Variants in RYR1 observed in about 807,000 individuals in gnomAD.
RYR1 encodes the protein ryanodine receptor 1, also known as central core disease of muscle.
RYR1 carries 342 observed loss-of-function variants against 583.5 expected under a neutral mutation model. The ratio of observed to expected loss-of-function variants is 0.59; its 90% CI spans 0.54 to 0.64. The LOEUF (loss-of-function observed/expected upper bound fraction) is 0.64, where lower values mean the gene tolerates loss of function less well. Ranked by LOEUF, RYR1 falls within the 30% of genes least tolerant of loss-of-function variation. RYR1 has a pLI of 0.00. For missense variants in RYR1, 6,032 were observed against 6,917.2 expected, an observed-to-expected ratio of 0.87 and a Z score of 4.54; for synonymous variants, 2,791 against 2,822.5, an observed-to-expected ratio of 0.99 and a Z score of 0.35.
intron 96 of RYR1, among the ~76,000 whole-genome samples, chr19:38,574,571 G>T (rs1217953219): frequency 6.6e-6 from 1 of 152,082 alleles, no homozygotes; most frequent in African/African-American, 2.4e-5. Context: ...GTTCTAGGCT[G>T]CAGTGAGCTA....
Position 38,464,707 on chromosome 19 carries a change from C to A in RYR1, c.2855C>A (p.Thr952Lys), listed in dbSNP as rs1249635777. Residue 952 changes from threonine (T) to lysine (K), a missense_variant, in exon 23 of 106, where the codon ACA becomes AAA. Around this residue, in one of 11 missense-constraint regions of RYR1, gnomAD observed 2,627 missense variants for 2,961.3 expected, o/e 0.89. Transcript: ENST00000359596. The stretch of plus-strand genomic sequence containing the variant: ...AAGGCGGAGGACAACCTGAAGAAGA[C>A]AAAACTCCCCAAGACGTGAGTGTGG... ...DEKAEDNLKKTKLPKTYMMSN... is the reference protein window; with the variant it reads ...DEKAEDNLKKKKLPKTYMMSN... 1.3e-6 allele frequency: 2 copies of A among 1,586,078 alleles called. No homozygotes were observed. Among genetic ancestry groups the A allele is most frequent in the Admixed American group, 1.8e-5 (1 of 55,388 alleles).
In RYR1 at chr19:38,535,297, C is replaced by T. The variant is rs1204509229; in HGVS notation, c.11440-19C>T. On this transcript the variant is annotated intron_variant, in intron 80 of 105. Coordinates refer to ENST00000359596, the MANE Select transcript of RYR1 (RefSeq NM_000540.3). The stretch of plus-strand genomic sequence containing the variant: ...CTGTGTGACTCCCAGTTTCTCCTCC[C>T]CTGCCTCGCCCTCTGCAGAAAATGC... 1.2e-6 allele frequency: 2 copies of T among 1,613,902 alleles called. No homozygotes were observed. The highest frequency in any genetic ancestry group is 1.7e-6 in the Non-Finnish European group (2 of 1,179,796).
In RYR1 at chr19:38,586,539, AT is replaced by A; in HGVS notation, c.14987del (p.Leu4996Ter). The A allele has an allele frequency of 6.2e-7, 1 of 1,614,156 alleles. No homozygotes were observed. The highest frequency in any genetic ancestry group is 8.5e-7 in the Non-Finnish European group (1 of 1,179,976). On this transcript the variant is annotated frameshift_variant, in exon 105 of 106. Transcript: ENST00000359596. LOFTEE classifies it high-confidence loss of function. ...CTCACCCTCAGGTTTTTCCTGATGT[AT>A]TTGATAAACAAGGATGAGACAGAAC... The part of the protein sequence containing the change: ...NLANYMFFLM[Y>X]LINKDETEHT...
intron 78 of RYR1, among the ~76,000 whole-genome samples, chr19:38,533,074 G>A (rs2145738398): frequency 6.6e-6 from 1 of 152,020 alleles, no homozygotes; most frequent in African/African-American, 2.4e-5. Flanking sequence ...ACCTCAGGGG[G>A]ATAAAGCAGC....
intron 23 of RYR1, 85 bp downstream of exon 23, chr19:38,464,807 TG>T (rs1482157305): frequency 8.9e-6 from 11 of 1,242,152 alleles, no homozygotes; most frequent in Non-Finnish European, 1.2e-5. Context: ...CGAGGGGTCT[TG>T]TGGGGAGGCT....
intron 58 of RYR1, among the ~76,000 whole-genome samples, chr19:38,509,399 G>T (rs1408284767): frequency 6.6e-6 from 1 of 151,726 alleles, no homozygotes; most frequent in Non-Finnish European, 1.5e-5. Flanking sequence ...ACAGTGCCAA[G>T]GACATAGCAA....
chr19:38,488,756 TG>T (rs1235572461), intron 34 of RYR1, among the ~76,000 whole-genome samples: 3 of 152,124 alleles, frequency 2.0e-5, no homozygotes, highest in African/African-American at 7.2e-5. Context: ...CTGCCCGCCT[TG>T]GTCTCCCAAA....
rs990397571 is a variant in RYR1 at position 38,460,525 on chromosome 19, C to G, written c.2511C>G (p.His837Gln). 6.2e-7 allele frequency: 1 copy of G among 1,614,150 alleles called. No individual in the cohort carries two copies. Among genetic ancestry groups the G allele is most frequent in the Admixed American group, 1.7e-5 (1 of 60,030 alleles). Residue 837 changes from histidine (H) to glutamine (Q), a missense_variant, in exon 20 of 106, where the codon CAC becomes CAG. This residue lies in a region of RYR1 where 2,627 missense variants were observed against 2,961.3 expected (regional missense o/e 0.89). Coordinates refer to ENST00000359596, the MANE Select transcript of RYR1 (RefSeq NM_000540.3). ...GACGGGAGGGGCCCCGGGGGCCTCA[C>G]CTGGTGGGCCCCAGTCGCTGCCTCT... ...EYRREGPRGP[H>Q]LVGPSRCLSH...
chr19:38,515,469 G>A (rs2145674733), intron 64 of RYR1, among the ~76,000 whole-genome samples: 1 of 152,334 alleles, frequency 6.6e-6, no homozygotes, highest in East Asian at 1.9e-4. Context: ...GAGCGAGGCT[G>A]CGGCTGTTTC....
At position 38,502,655 on chromosome 19, in the gene RYR1, G is replaced by A. The variant is rs753507343; in HGVS notation, c.7763G>A (p.Arg2588His). The A allele has an allele frequency of 8.1e-6, 13 of 1,612,262 alleles. No individual in the cohort carries two copies. The highest frequency in any genetic ancestry group is 7.7e-5 in the South Asian group (7 of 91,034). The change falls in exon 48 of 106, where the codon CGC becomes CAC. Residue 2588 changes from arginine (R) to histidine (H), a missense_variant. Around this residue, in one of 11 missense-constraint regions of RYR1, gnomAD observed 250 missense variants for 162.3 expected, o/e 1.54. Coordinates refer to ENST00000359596, the MANE Select transcript of RYR1 (RefSeq NM_000540.3). ...MVDSMLHTVY[R>H]LSRGRSLTKA... ...GACTCTATGCTGCATACCGTGTACC[G>A]CCTGTCTCGGGGTCGTTCGCTCACC...
chr19:38,576,480 G>C (rs1307946095), intron 97 of RYR1, among the ~76,000 whole-genome samples: 2 of 151,780 alleles, frequency 1.3e-5, no homozygotes, highest in Non-Finnish European at 2.9e-5. Flanking sequence ...AAATAAGAAA[G>C]CATAGCATAG....
intron 30 of RYR1, 21 bp from the exon 31 acceptor site, chr19:38,478,414 G>T: frequency 6.2e-7 from 1 of 1,611,418 alleles, no homozygotes; most frequent in South Asian, 1.1e-5. Context: ...GGAGTGCAGT[G>T]ACCGCTTCTG....
At chr19:38,456,380 C>T (rs1178217814) in intron 16 of RYR1, among the ~76,000 whole-genome samples, 9 of 147,778 alleles carry the variant, frequency 6.1e-5, no homozygotes, top group Middle Eastern at 7.2e-3. Context: ...TTCCCGGGTT[C>T]AAGCAATTCT....
At chr19:38,540,377 A>G (rs1972145314) in intron 84 of RYR1, among the ~76,000 whole-genome samples, 1 of 146,632 alleles carries the variant, frequency 6.8e-6, no homozygotes, top group Non-Finnish European at 1.5e-5. Flanking sequence ...AGTATAATAA[A>G]CCTCCAATCA....
At chr19:38,486,300 A>C in intron 34 of RYR1, 98 bp downstream of exon 34, 1 of 1,432,354 alleles carries the variant, frequency 7.0e-7, no homozygotes, top group Non-Finnish European at 9.8e-7. Context: ...TATGCATCCA[A>C]CCACCCATTC....
rs569735440 is a variant in RYR1 at position 38,534,246 on chromosome 19, C to T, written c.11260-474C>T. Among the ~76,000 whole-genome samples, 90 of 152,044 alleles carry T rather than the reference C, an allele frequency of 5.9e-4. No homozygotes were observed. In the East Asian group the frequency reaches 6.4e-3, roughly 11 times the overall value. On this transcript the variant is annotated intron_variant, in intron 78 of 105. Coordinates refer to ENST00000359596, the MANE Select transcript of RYR1 (RefSeq NM_000540.3). ...CAGGATAGTCTTGACCTCTTGACCTCGTGATCTCCCTGCCTCGGCCTCCCA... is the reference window on the plus strand; with the variant it reads ...CAGGATAGTCTTGACCTCTTGACCTTGTGATCTCCCTGCCTCGGCCTCCCA...
chr19:38,507,940 ATGT>A lies in RYR1; in HGVS notation c.8932+115_8932+117del, dbSNP rs1295310994. On this transcript the variant is annotated intron_variant, in intron 58 of 105. Transcript: ENST00000359596. ...ACTCAATCCGTCCTCCCCTTATCTG[ATGT>A]TTATTGAGCTTCTACTATGTGCCAG... is the stretch of plus-strand genomic sequence containing the variant. 3 of 708,098 alleles carry A rather than the reference ATGT, an allele frequency of 4.2e-6. No individual in the cohort carries two copies. In the Admixed American group the frequency reaches 6.2e-5, roughly 15 times the overall value. 43.9% of individuals were successfully genotyped at this position (708,098 alleles called of 1,614,324 possible).
rs774357249 is a variant in RYR1 at position 38,517,476 on chromosome 19, A to G, written c.9803A>G (p.His3268Arg). ...ESGARYTEMP[H>R]VIEITLPMLC... ...GGTGCCCGCTACACAGAGATGCCGC[A>G]TGTCATCGAGATCACGCTGCCCATG... is the stretch of plus-strand genomic sequence containing the variant. Residue 3268 changes from histidine (H) to arginine (R), a missense_variant, in exon 66 of 106, where the codon CAT (histidine) becomes CGT (arginine). His to Arg is a conservative substitution (Grantham distance 29). Transcript: ENST00000359596. The G allele has an allele frequency of 6.2e-7, 1 of 1,613,956 alleles. No individual in the cohort carries two copies. Among genetic ancestry groups the G allele is most frequent in the Non-Finnish European group, 8.5e-7 (1 of 1,179,976 alleles).
intron 33 of RYR1, among the ~76,000 whole-genome samples, chr19:38,484,311 G>A (rs952529008): frequency 2.0e-5 from 3 of 151,860 alleles, no homozygotes; most frequent in Non-Finnish European, 2.9e-5. Flanking sequence ...AATTCTGAAC[G>A]TGGGAGGAAT....
Sources: allele counts gnomAD v4.1 joint callset (sites outside exome capture counted in the v4.1 genomes callset), GRCh38; gene constraint gnomAD v4.1.1; regional missense constraint gnomAD v4.1.1; transcripts MANE v1.5; gene names NCBI Gene and HGNC (gene_info 2026-07-23, HGNC 2026-07-21).